Variants in CERS3 observed in about 807,000 individuals in gnomAD.
CERS3 encodes LAG1 homolog, ceramide synthase 3.
CERS3 carries 33 observed loss-of-function variants against 50.3 expected under a neutral mutation model. The ratio of observed to expected loss-of-function variants is 0.66; its 90% CI spans 0.50 to 0.88. The LOEUF is 0.88. Ranked by LOEUF, CERS3 falls within the 40% of genes least tolerant of loss-of-function variation. The pLI is 0.00. For synonymous variants in CERS3, 176 were observed against 155.2 expected, an observed-to-expected ratio of 1.13 and a Z score of -0.99; for missense variants, 470 against 460.3, an observed-to-expected ratio of 1.02 and a Z score of -0.19.
intron 1 of CERS3, among the ~76,000 whole-genome samples, 192 bp from the exon 2 acceptor site, chr15:100,521,948 A>G (rs1057122159): frequency 3.3e-5 from 5 of 152,180 alleles, no homozygotes; most frequent in Non-Finnish European, 7.3e-5. Context: ...CCAACACTGA[A>G]AATTCAAGAA....
chr15:100,432,214 T>G (rs1452445948), intron 11 of CERS3, among the ~76,000 whole-genome samples: 1 of 152,054 alleles, frequency 6.6e-6, no homozygotes, highest in Non-Finnish European at 1.5e-5. Flanking sequence ...ACTACAAATA[T>G]GTACCACCAC....
At position 100,472,966 on chromosome 15, in the gene CERS3, G is replaced by A; in HGVS notation, c.696C>T (p.Thr232=). 2 of 1,613,926 alleles carry A rather than the reference G, an allele frequency of 1.2e-6. No homozygotes were observed. The highest frequency in any genetic ancestry group is 1.7e-6 in the Non-Finnish European group (2 of 1,179,926). Residue 232 remains threonine, a synonymous_variant, in exon 9 of 12, where the codon ACC becomes ACT. Transcript: ENST00000679737. ...SWCANYIRSG[T]LVMIVHDVAD... is the part of the protein sequence containing the mutation. ...CCACATCGTGTACAATCATCACGAG[G>A]GTCCCACTGCGAATATAATTAGCAC... is the stretch of plus-strand genomic sequence containing the variant.
chr15:100,491,949 C>G (rs2035666937), intron 3 of CERS3, among the ~76,000 whole-genome samples: 1 of 151,180 alleles, frequency 6.6e-6, no homozygotes, highest in Non-Finnish European at 1.5e-5. Flanking sequence ...TGGTCTCCAA[C>G]TCCTAGTCTT....
intron 11 of CERS3, among the ~76,000 whole-genome samples, chr15:100,454,073 C>T (rs1016122626): frequency 6.6e-6 from 1 of 152,170 alleles, no homozygotes; most frequent in South Asian, 2.1e-4. Flanking sequence ...AAGCTATCTA[C>T]AGATTCAATT....
intron 2 of CERS3, among the ~76,000 whole-genome samples, chr15:100,513,412 G>A (rs1315623336): frequency 6.6e-6 from 1 of 152,130 alleles, no homozygotes; most frequent in South Asian, 2.1e-4. Context: ...AGGGCCCGGG[G>A]CGGTTGGACC....
At chr15:100,445,504 CCTT>C (rs2033896815) in intron 11 of CERS3, among the ~76,000 whole-genome samples, 1 of 152,110 alleles carries the variant, frequency 6.6e-6, no homozygotes, top group Non-Finnish European at 1.5e-5. Flanking sequence ...CTGTTTTTCT[CCTT>C]CTCTTATTCC....
chr15:100,523,173 G>A (rs8040688), intron 1 of CERS3, among the ~76,000 whole-genome samples: 32,329 of 151,912 alleles, frequency 0.21, 3,632 homozygotes, highest in East Asian at 0.36. Context: ...CTGTTGTGGC[G>A]GTCTATCTTT....
At chr15:100,499,895 C>A (rs1484040133) in intron 3 of CERS3, among the ~76,000 whole-genome samples, 1 of 152,138 alleles carries the variant, frequency 6.6e-6, no homozygotes, top group Non-Finnish European at 1.5e-5. Flanking sequence ...CTCATGGGTT[C>A]GAGTCCCAGA....
At chr15:100,495,624 C>A (rs533324102) in intron 3 of CERS3, among the ~76,000 whole-genome samples, 1 of 152,128 alleles carries the variant, frequency 6.6e-6, no homozygotes, top group East Asian at 1.9e-4. Context: ...ATTTTTAAAA[C>A]CAAGTTATTT....
At chr15:100,467,837 G>GTGTATATATATATA (rs1320355108) in intron 10 of CERS3, among the ~76,000 whole-genome samples, 6 of 56,348 alleles carry the variant, frequency 1.1e-4, no homozygotes, top group African/African-American at 2.8e-4. Flanking sequence ...ATATATACGT[G>GTGTATATATATATA]TATATATATA....
chr15:100,476,506 C>G (rs569534361), intron 7 of CERS3, among the ~76,000 whole-genome samples: 2 of 152,156 alleles, frequency 1.3e-5, no homozygotes, highest in South Asian at 2.1e-4. Flanking sequence ...TACTTAGGAA[C>G]AATGGGAAGT....
intron 10 of CERS3, among the ~76,000 whole-genome samples, chr15:100,466,659 C>T (rs2034726590): frequency 1.5e-5 from 1 of 66,828 alleles, no homozygotes; most frequent in South Asian, 6.1e-4. Context: ...GGTATTCCAG[C>T]GGACAGCCCC....
intron 1 of CERS3, among the ~76,000 whole-genome samples, chr15:100,527,833 G>A (rs2036838728): frequency 6.6e-6 from 1 of 152,150 alleles, no homozygotes; most frequent in Non-Finnish European, 1.5e-5. Flanking sequence ...GTGAATGAGA[G>A]GGCCACATAA....
rs149574582 is a variant in CERS3, at chr15:100,538,359, T to A, written c.-355+6292A>T. On this transcript the variant is annotated intron_variant, in intron 1 of 12. Coordinates refer to the CERS3 transcript ENST00000284382. ...TGGGGACTCTGACCCCACATTTCTC[T>A]TCTGCACTGCCCTAGCAGAGGTACT... 1.3e-3 allele frequency among the ~76,000 whole-genome samples: 200 copies of A among 152,326 alleles called. 1 individual carries two copies. The highest frequency in any genetic ancestry group is 4.6e-3 in the African/African-American group (193 of 41,586).
intron 1 of CERS3, among the ~76,000 whole-genome samples, chr15:100,522,080 A>G (rs2036656984): frequency 6.6e-6 from 1 of 152,210 alleles, no homozygotes; most frequent in Admixed American, 6.5e-5. Context: ...CAGGCACCTG[A>G]CCGGCTTTCT....
chr15:100,533,876 C>T (rs895587898), upstream of CERS3, among the ~76,000 whole-genome samples: 3 of 152,182 alleles, frequency 2.0e-5, no homozygotes, highest in Admixed American at 2.0e-4. Context: ...TCTTTCAAAA[C>T]TTGAAGTCAG....
intron 2 of CERS3, among the ~76,000 whole-genome samples, chr15:100,504,841 T>C (rs147968236): frequency 1.2e-3 from 186 of 152,294 alleles, no homozygotes; most frequent in African/African-American, 4.4e-3. Context: ...TCAAGCTTGG[T>C]TGCCTGAACC....
chr15:100,544,665 T>G (rs1251933889), exon 1 of CERS3: 1 of 152,516 alleles, frequency 6.6e-6, no homozygotes, highest in East Asian at 1.9e-4. Flanking sequence ...TCCTCCGTCC[T>G]GGGCCGAGGC....
Position 100,401,206 on chromosome 15 carries a change from G to A in CERS3, c.*1507C>T, listed in dbSNP as rs938247021. On this transcript the variant is annotated 3_prime_UTR_variant, in exon 12 of 12. Coordinates refer to ENST00000679737, the MANE Select transcript of CERS3 (RefSeq NM_001378789.1). ...CTAGTACGAGCCCCTGAATAAATAG[G>A]ATGAACATACAAAATCTGACCGTTA... The A allele has an allele frequency of 5.3e-5, 8 of 152,156 alleles. No individual in the cohort carries two copies. The highest frequency in any genetic ancestry group is 1.9e-4 in the African/African-American group (8 of 41,434). 9.4% of individuals were successfully genotyped at this position (152,156 alleles called of 1,614,324 possible).
Sources: gnomAD v4.1 joint callset for allele counts (sites outside exome capture counted in the v4.1 genomes callset) on GRCh38, gnomAD v4.1.1 for gene constraint, MANE v1.5 for transcripts, NCBI Gene and HGNC (gene_info 2026-07-23, HGNC 2026-07-21) for gene names.